Variants in ATL1 observed in about 807,000 individuals in gnomAD.
ATL1 encodes the protein atlastin GTPase 1.
In ATL1, 31 loss-of-function variants were observed where a neutral mutation model predicts 75.5. The ratio of observed to expected loss-of-function variants is 0.41; its 90% CI spans 0.31 to 0.55. The LOEUF (loss-of-function observed/expected upper bound fraction) is 0.55, where lower values mean the gene tolerates loss of function less well. Among genes scored for constraint, ATL1 ranks in the 20% least tolerant of loss-of-function variants. The pLI, the probability that ATL1 is intolerant of heterozygous loss-of-function variation, is 0.27. For synonymous variants in ATL1, 226 were observed against 233.3 expected, an observed-to-expected ratio of 0.97 and a Z score of 0.28; for missense variants, 405 against 662.6, an observed-to-expected ratio of 0.61 and a Z score of 4.27.
In ATL1 at chr14:50,620,714, G is replaced by A; in HGVS notation, c.978G>A (p.Val326=). Reference sequence around the variant, plus strand: ...ATAAAATCACCTGCCGGGGTCTGGTGGAGTACTTCAAGGTATCACTCTCAT... The same window carrying A: ...ATAAAATCACCTGCCGGGGTCTGGTAGAGTACTTCAAGGTATCACTCTCAT... The part of the protein sequence containing the change: ...NGNKITCRGL[V]EYFKAYIKIY... The change falls in exon 9 of 14, where the codon GTG becomes GTA. Residue 326 remains valine (V), a synonymous_variant. Transcript: ENST00000358385. 2 of 1,613,464 alleles carry A rather than the reference G, an allele frequency of 1.2e-6. No individual in the cohort carries two copies. Among genetic ancestry groups the A allele is most frequent in the Non-Finnish European group, 1.7e-6 (2 of 1,179,584 alleles).
At chr14:50,592,347 A>G (rs907912739) in intron 4 of ATL1, among the ~76,000 whole-genome samples, 10 of 152,170 alleles carry the variant, frequency 6.6e-5, no homozygotes, top group Admixed American at 2.0e-4. Flanking sequence ...AAAAGGTAAG[A>G]TAGCTTAAAA....
chr14:50,555,327 G>A (rs2038752976), upstream of ATL1, among the ~76,000 whole-genome samples: 1 of 152,200 alleles, frequency 6.6e-6, no homozygotes, highest in Non-Finnish European at 1.5e-5. Flanking sequence ...TGTCACCCAG[G>A]CTGGAGTGCA....
chr14:50,616,026 C>T (rs989647293), intron 8 of ATL1, among the ~76,000 whole-genome samples: 2 of 152,304 alleles, frequency 1.3e-5, no homozygotes, highest in Admixed American at 6.5e-5. Context: ...CAGGGTCTCA[C>T]TCTGTGGCCC....
chr14:50,622,540 C>A (rs892647563), intron 10 of ATL1, among the ~76,000 whole-genome samples: 31 of 152,122 alleles, frequency 2.0e-4, no homozygotes, highest in Non-Finnish European at 4.4e-4. Flanking sequence ...GTGGCGCAAG[C>A]CTGTAGTCCC....
Position 50,632,692 on chromosome 14 carries a change from T to C in ATL1, c.*353T>C, listed in dbSNP as rs955871176. 4 of 210,948 alleles carry C rather than the reference T, an allele frequency of 1.9e-5. No individual in the cohort carries two copies. In the Admixed American group the frequency reaches 2.1e-4, roughly 11 times the overall value. 13.1% of individuals were successfully genotyped at this position (210,948 alleles called of 1,614,324 possible). ...TATTCCACGTTTGGATATGCTCATT[T>C]AATTTCTACAGAAAAAATTTTAAAT... On this transcript the variant is annotated 3_prime_UTR_variant, in exon 14 of 14. Transcript: ENST00000358385.
At chr14:50,579,388 A>G (rs1461163735) in intron 1 of ATL1, among the ~76,000 whole-genome samples, 6 of 152,082 alleles carry the variant, frequency 3.9e-5, no homozygotes, top group Non-Finnish European at 8.8e-5. Flanking sequence ...CATAGATTTT[A>G]ATTATCTATT....
At chr14:50,563,572 T>A (rs2038872549) in intron 1 of ATL1, among the ~76,000 whole-genome samples, 1 of 152,184 alleles carries the variant, frequency 6.6e-6, no homozygotes, top group African/African-American at 2.4e-5. Context: ...AAGGAAGATA[T>A]TTGCAAAATC....
At chr14:50,571,235 G>A (rs1033601395) in intron 1 of ATL1, among the ~76,000 whole-genome samples, 6 of 152,098 alleles carry the variant, frequency 3.9e-5, no homozygotes, top group Admixed American at 6.6e-5. Flanking sequence ...TCCAAATTTT[G>A]GAGGACAGGG....
chr14:50,586,098 T>C (rs756400090), intron 1 of ATL1, among the ~76,000 whole-genome samples: 1 of 152,234 alleles, frequency 6.6e-6, no homozygotes, highest in Non-Finnish European at 1.5e-5. Context: ...CAAGAGATGA[T>C]TGCCTTGCTT....
chr14:50,557,594 T>C (rs1178102650), upstream of ATL1, among the ~76,000 whole-genome samples: 2 of 152,224 alleles, frequency 1.3e-5, no homozygotes, highest in Non-Finnish European at 2.9e-5. Context: ...CATCTATATG[T>C]GGGCATTCAG....
chr14:50,563,250 A>T (rs571905283), intron 1 of ATL1, among the ~76,000 whole-genome samples: 1 of 152,346 alleles, frequency 6.6e-6, no homozygotes, highest in Admixed American at 6.5e-5. Context: ...TGATTTGGTG[A>T]AAGTCATGTA....
At chr14:50,628,547 T>C (rs769895959) in intron 12 of ATL1, 85 bp downstream of exon 12, 2 of 1,405,814 alleles carry the variant, frequency 1.4e-6, no homozygotes, top group Admixed American at 1.9e-5. Context: ...ATGTTGGAAA[T>C]ACAGATCAAC....
intron 1 of ATL1, among the ~76,000 whole-genome samples, chr14:50,541,480 G>A (rs1049711649): frequency 2.0e-5 from 3 of 152,126 alleles, no homozygotes; most frequent in African/African-American, 4.8e-5. Context: ...GTGTTTGTTT[G>A]GCCTGTTTGT....
At chr14:50,563,760 T>C (rs1250452569) in intron 1 of ATL1, among the ~76,000 whole-genome samples, 3 of 152,222 alleles carry the variant, frequency 2.0e-5, no homozygotes, top group Non-Finnish European at 4.4e-5. Context: ...GAGATAAAAC[T>C]GGGAAGCGAG....
chr14:50,554,047 A>G (rs1281505619), intron 1 of ATL1, among the ~76,000 whole-genome samples: 3 of 152,108 alleles, frequency 2.0e-5, no homozygotes, highest in African/African-American at 4.8e-5. Context: ...AATCACCACT[A>G]AAGAACTTAT....
At chr14:50,542,402 T>C (rs917644421) in intron 1 of ATL1, 83 of 152,214 alleles carry the variant, frequency 5.5e-4, no homozygotes, top group African/African-American at 1.9e-3. Flanking sequence ...ATGGCATATG[T>C]ATACCTGTGT....
At chr14:50,619,568 C>T (rs548350452) in intron 8 of ATL1, among the ~76,000 whole-genome samples, 15 of 152,330 alleles carry the variant, frequency 9.8e-5, no homozygotes, top group African/African-American at 3.4e-4. Context: ...AGACTTCTCT[C>T]GTGATCTGTT....
At chr14:50,598,510 G>A (rs996310525) in intron 6 of ATL1, among the ~76,000 whole-genome samples, 2 of 151,924 alleles carry the variant, frequency 1.3e-5, no homozygotes, top group Non-Finnish European at 2.9e-5. Flanking sequence ...ACAGGTGCCC[G>A]CCATCATGCC....
At chr14:50,621,065 C>A (rs1445980372) in intron 9 of ATL1, among the ~76,000 whole-genome samples, 5 of 152,306 alleles carry the variant, frequency 3.3e-5, no homozygotes, top group Admixed American at 2.0e-4. Flanking sequence ...ATTTTACCTT[C>A]ATAATTCTGA....
Sources: gnomAD v4.1 joint callset for allele counts (sites outside exome capture counted in the v4.1 genomes callset) on GRCh38, gnomAD v4.1.1 for gene constraint, MANE v1.5 for transcripts, NCBI Gene and HGNC (gene_info 2026-07-23, HGNC 2026-07-21) for gene names.